Variants in SS18 observed in about 807,000 individuals in gnomAD.
SS18 encodes the protein SS18 subunit of BAF chromatin remodeling complex.
In SS18, 28 loss-of-function variants were observed where a neutral mutation model predicts 72.5. The observed-to-expected ratio is 0.39, with a 90% CI of 0.29 to 0.53. The LOEUF (loss-of-function observed/expected upper bound fraction) is 0.53, where lower values mean the gene tolerates loss of function less well. SS18 is among the 20% of genes least tolerant of loss of function. The probability of loss-of-function intolerance (pLI) is 0.76; values close to 1 mark genes in which losing one functional copy is unlikely to be tolerated. For synonymous variants in SS18, 172 were observed against 164.2 expected (o/e 1.05, Z -0.37); for missense variants, 518 against 535.3 (o/e 0.97, Z 0.32).
chr18:26,034,987 C>T lies in SS18; in HGVS notation c.1096+18G>A, dbSNP rs778533994. 13 of 1,599,966 alleles carry T rather than the reference C, an allele frequency of 8.1e-6. No individual in the cohort carries two copies. Among genetic ancestry groups the T allele is most frequent in the Non-Finnish European group, 1.0e-5 (12 of 1,174,964 alleles). On this transcript the variant is annotated intron_variant, in intron 9 of 10. Coordinates refer to ENST00000415083, the MANE Select transcript of SS18 (RefSeq NM_001007559.3). The stretch of plus-strand genomic sequence containing the variant: ...GCACATTTTTTTGGTGATAAAAATA[C>T]ACTGTACAAAGCTTTACCGTAGCCC...
At chr18:26,032,106 A>C (rs1308858862) in intron 10 of SS18, among the ~76,000 whole-genome samples, 12 of 152,176 alleles carry the variant, frequency 7.9e-5, no homozygotes, top group Admixed American at 7.9e-4. Context: ...CAGTAAACAA[A>C]GTATGCCTGA....
At chr18:26,074,570 T>C (rs1234029921) in intron 3 of SS18, among the ~76,000 whole-genome samples, 1 of 152,018 alleles carries the variant, frequency 6.6e-6, no homozygotes, top group Non-Finnish European at 1.5e-5. Context: ...CTCACAAAGA[T>C]AGTTATTTTT....
chr18:26,051,416 C>G (rs942883546), intron 5 of SS18, among the ~76,000 whole-genome samples: 1 of 152,118 alleles, frequency 6.6e-6, no homozygotes, highest in East Asian at 1.9e-4. Flanking sequence ...TTCTTCGAAT[C>G]TTATTATGTC....
At chr18:26,087,206 A>T (rs2054630123) in intron 2 of SS18, among the ~76,000 whole-genome samples, 1 of 152,212 alleles carries the variant, frequency 6.6e-6, no homozygotes, top group Admixed American at 6.5e-5. Flanking sequence ...ATGAAATGTC[A>T]CAACAGGCAA....
intron 3 of SS18, among the ~76,000 whole-genome samples, chr18:26,073,711 T>C (rs954281752): frequency 1.3e-5 from 2 of 152,214 alleles, no homozygotes; most frequent in African/African-American, 4.8e-5. Context: ...GTAAAAATTA[T>C]TTTGTAAATT....
At chr18:26,059,860 G>T (rs972887221) in intron 3 of SS18, among the ~76,000 whole-genome samples, 2 of 152,152 alleles carry the variant, frequency 1.3e-5, no homozygotes, top group East Asian at 1.9e-4. Context: ...CACCCACTTT[G>T]ATAGCTGCAA....
intron 3 of SS18, among the ~76,000 whole-genome samples, chr18:26,060,192 T>C (rs2054093995): frequency 6.6e-6 from 1 of 152,184 alleles, no homozygotes; most frequent in African/African-American, 2.4e-5. Context: ...GGCATATGAA[T>C]ACAACGGAAT....
intron 2 of SS18, chr18:26,081,467 A>G (rs985367490): frequency 2.0e-5 from 3 of 152,234 alleles, no homozygotes; most frequent in Non-Finnish European, 2.9e-5. Context: ...CTGGGATTAC[A>G]GGCGTGAGTC....
At chr18:26,039,806 T>G (rs1166704535) in intron 5 of SS18, among the ~76,000 whole-genome samples, 2 of 152,184 alleles carry the variant, frequency 1.3e-5, no homozygotes, top group Non-Finnish European at 2.9e-5. Flanking sequence ...TGAGAAGATA[T>G]CATCCTTATG....
At chr18:26,065,107 G>A (rs555876012) in intron 3 of SS18, among the ~76,000 whole-genome samples, 40 of 152,220 alleles carry the variant, frequency 2.6e-4, no homozygotes, top group African/African-American at 9.1e-4. Flanking sequence ...TGCCATCTTT[G>A]TTGACTGGAA....
intron 3 of SS18, among the ~76,000 whole-genome samples, chr18:26,066,731 A>G (rs1459144262): frequency 1.3e-5 from 2 of 151,850 alleles, no homozygotes; most frequent in Non-Finnish European, 2.9e-5. Context: ...AGTAAACATG[A>G]TTTTTTTTCC....
intron 10 of SS18, among the ~76,000 whole-genome samples, chr18:26,028,829 C>G (rs1341046357): frequency 6.6e-6 from 1 of 152,164 alleles, no homozygotes; most frequent in Non-Finnish European, 1.5e-5. Flanking sequence ...TACTTCGATT[C>G]TGCTGATGGT....
chr18:26,064,789 A>C (rs778722506), intron 3 of SS18: 3 of 152,134 alleles, frequency 2.0e-5, no homozygotes, highest in Non-Finnish European at 2.9e-5. Flanking sequence ...CAAAGTAAAA[A>C]GAAATAATGA....
At chr18:26,031,742 A>T (rs73401875) in intron 10 of SS18, among the ~76,000 whole-genome samples, 1 of 152,138 alleles carries the variant, frequency 6.6e-6, no homozygotes, top group African/African-American at 2.4e-5. Flanking sequence ...CAGGGGAGAA[A>T]TAACAGTTGA....
chr18:26,023,814 C>T (rs1472314875), intron 10 of SS18, among the ~76,000 whole-genome samples: 3 of 150,984 alleles, frequency 2.0e-5, no homozygotes, highest in Admixed American at 6.6e-5. Context: ...GTACCAAAAA[C>T]GGTAACTACA....
At chr18:26,071,473 A>G (rs2054308923) in intron 3 of SS18, among the ~76,000 whole-genome samples, 1 of 152,228 alleles carries the variant, frequency 6.6e-6, no homozygotes, top group Non-Finnish European at 1.5e-5. Flanking sequence ...CAACGCAAGG[A>G]TAAATGTAAT....
chr18:26,020,038 ACT>A (rs1395829956), intron 10 of SS18, among the ~76,000 whole-genome samples: 1 of 152,064 alleles, frequency 6.6e-6, no homozygotes, highest in African/African-American at 2.4e-5. Flanking sequence ...TCACTATATT[ACT>A]CTCTTTTCTA....
At chr18:26,091,070 G>A (rs1445073589), upstream of SS18, 1 of 156,700 alleles carries the variant, frequency 6.4e-6, no homozygotes, top group African/African-American at 2.4e-5. Flanking sequence ...ACCTAGTTCA[G>A]TTTTTCCAAC....
At chr18:26,043,794 A>G (rs1485395534) in intron 5 of SS18, among the ~76,000 whole-genome samples, 1 of 152,220 alleles carries the variant, frequency 6.6e-6, no homozygotes, top group South Asian at 2.1e-4. Context: ...CCAGCAACCA[A>G]TGAAAAAATG....
Sources: gnomAD v4.1 joint callset for allele counts (sites outside exome capture counted in the v4.1 genomes callset) on GRCh38, gnomAD v4.1.1 for gene constraint, MANE v1.5 for transcripts, NCBI Gene and HGNC (gene_info 2026-07-23, HGNC 2026-07-21) for gene names.